The following PIKFYVE variants were observed in gnomAD, a reference collection of about 807,000 sequenced individuals.
PIKFYVE encodes the protein phosphoinositide kinase, FYVE-type zinc finger containing.
Under a neutral mutation model 257.9 loss-of-function variants are expected in PIKFYVE, and 122 were observed. That is an observed-to-expected ratio of 0.47 (90% CI 0.41 to 0.55). The LOEUF is 0.55. PIKFYVE is among the 20% of genes least tolerant of loss of function. PIKFYVE has a pLI of 0.00. For synonymous variants in PIKFYVE, 892 were observed against 868.9 expected, an observed-to-expected ratio of 1.03 and a Z score of -0.47; for missense variants, 2,160 against 2,536.6, an observed-to-expected ratio of 0.85 and a Z score of 3.19.
chr2:208,288,579 T>G lies in PIKFYVE; in HGVS notation c.822-150T>G. On this transcript the variant is annotated intron_variant, in intron 6 of 41. Coordinates refer to ENST00000264380, the MANE Select transcript of PIKFYVE (RefSeq NM_015040.4). The stretch of plus-strand genomic sequence containing the variant: ...CTGCAAAAACTATCATTCATACCAT[T>G]TACACCCTAATTAAAGGAAGAACAA... 2.5e-6 allele frequency: 3 copies of G among 1,213,592 alleles called. No homozygotes were observed. In the South Asian group the frequency reaches 4.6e-5, roughly 19 times the overall value. 75.2% of individuals were successfully genotyped at this position (1,213,592 alleles called of 1,614,324 possible).
chr2:208,329,646 G>A (rs1697292426), intron 21 of PIKFYVE, among the ~76,000 whole-genome samples, 196 bp from the exon 22 acceptor site: 1 of 152,192 alleles, frequency 6.6e-6, no homozygotes, highest in Non-Finnish European at 1.5e-5. Flanking sequence ...TGGATTGGGA[G>A]TGAAAAAGAT....
chr2:208,288,888 C>T (rs1171248693), intron 7 of PIKFYVE, 70 bp downstream of exon 7: 41 of 1,568,050 alleles, frequency 2.6e-5, no homozygotes, highest in African/African-American at 8.1e-5. Flanking sequence ...GAAGAACAAA[C>T]GGATAAAAAG....
rs888458774 is a variant in PIKFYVE, at chr2:208,355,395, G to A, written c.*90G>A. 7.9e-6 allele frequency: 8 copies of A among 1,015,832 alleles called. No homozygotes were observed. The highest frequency in any genetic ancestry group is 1.4e-5 in the South Asian group (1 of 72,416). The allele number at this position is 1,015,832 out of a possible 1,614,324, so 62.9% of individuals were successfully genotyped here. A position where few individuals can be genotyped will look rare whatever the true frequency, so the allele number is the denominator to read the frequency against. ...AAGCTACATGTTTTATTTCTTCATC[G>A]TGTTCACCACTGTATGCCAAGGCTT... On this transcript the variant is annotated 3_prime_UTR_variant, in exon 42 of 42. Transcript: ENST00000264380.
At chr2:208,289,259 T>C (rs1255936491) in intron 7 of PIKFYVE, among the ~76,000 whole-genome samples, 3 of 152,208 alleles carry the variant, frequency 2.0e-5, no homozygotes, top group Non-Finnish European at 2.9e-5. Flanking sequence ...TGGGAAGCTG[T>C]TGGAGAGTTT....
At chr2:208,303,222 A>G (rs1393435060) in intron 10 of PIKFYVE, among the ~76,000 whole-genome samples, 1 of 151,950 alleles carries the variant, frequency 6.6e-6, no homozygotes. Context: ...TTGATACAAT[A>G]TATAGGTTAT....
At chr2:208,337,093 T>C (rs1698210728) in intron 28 of PIKFYVE, among the ~76,000 whole-genome samples, 165 bp downstream of exon 28, 1 of 152,202 alleles carries the variant, frequency 6.6e-6, no homozygotes, top group Non-Finnish European at 1.5e-5. Flanking sequence ...CTGGATTACT[T>C]TTATGTTATA....
chr2:208,278,779 G>T (rs1422222008), intron 5 of PIKFYVE, among the ~76,000 whole-genome samples: 1 of 152,124 alleles, frequency 6.6e-6, no homozygotes, highest in African/African-American at 2.4e-5. Context: ...TGGTGTATAT[G>T]TACCACATTT....
chr2:208,351,309 A>G (rs762799407), intron 37 of PIKFYVE, 43 bp from the exon 38 acceptor site: 2 of 1,313,676 alleles, frequency 1.5e-6, no homozygotes, highest in Middle Eastern at 1.9e-4. Context: ...AGATTACAGT[A>G]TATATTGTGA....
In PIKFYVE at chr2:208,274,057, A is replaced by G. The variant is rs767821059; in HGVS notation, c.322+324A>G. ...CAACATCCCCAGGAGAACACAGGTTAGTTTCCACTTTGTGAATGAATTCTG... is the reference window on the plus strand; with the variant it reads ...CAACATCCCCAGGAGAACACAGGTTGGTTTCCACTTTGTGAATGAATTCTG... On this transcript the variant is annotated intron_variant, in intron 3 of 41. Transcript: ENST00000264380. The G allele has an allele frequency of 3.1e-6, 5 of 1,611,710 alleles. No homozygotes were observed. The East Asian group carries it at 8.9e-5, about 29-fold the overall frequency.
rs578116115 is a variant in PIKFYVE, at chr2:208,332,133, A to T, written c.3964-1182A>T. Among the ~76,000 whole-genome samples the T allele has an allele frequency of 6.8e-4, 104 of 152,324 alleles. 1 individual carries two copies. The highest frequency in any genetic ancestry group is 3.4e-3 in the Middle Eastern group (1 of 294). The stretch of plus-strand genomic sequence containing the variant: ...TAAATATATATAATATCAAATTTCT[A>T]TGAGCCATGATAATAGAAAAATGGG... On this transcript the variant is annotated intron_variant, in intron 23 of 41. Coordinates refer to ENST00000264380, the MANE Select transcript of PIKFYVE (RefSeq NM_015040.4).
chr2:208,346,160 A>G lies in PIKFYVE; in HGVS notation c.5209+13A>G, dbSNP rs1360147694. 4 of 1,562,644 alleles carry G rather than the reference A, an allele frequency of 2.6e-6. No individual in the cohort carries two copies. Among genetic ancestry groups the G allele is most frequent in the African/African-American group, 1.4e-5 (1 of 73,736 alleles). Reference sequence around the variant, plus strand: ...GAACCACAACCAAGTAAGATTACACATGGAGGAATATTTATAATTAGATTT... The same window carrying G: ...GAACCACAACCAAGTAAGATTACACGTGGAGGAATATTTATAATTAGATTT... On this transcript the variant is annotated intron_variant, in intron 34 of 41. Transcript: ENST00000264380.
chr2:208,305,570 A>G, intron 12 of PIKFYVE: 1 of 684,660 alleles, frequency 1.5e-6, no homozygotes, highest in Non-Finnish European at 1.8e-6. Context: ...ATTTTTAGCT[A>G]TCTTATTTGA....
intron 30 of PIKFYVE, 76 bp downstream of exon 30, chr2:208,339,631 C>T: frequency 1.9e-6 from 3 of 1,544,288 alleles, no homozygotes; most frequent in Non-Finnish European, 1.8e-6. Context: ...ACATGAATTA[C>T]AGCCATTTCT....
intron 5 of PIKFYVE, among the ~76,000 whole-genome samples, chr2:208,281,134 C>T (rs1261020764): frequency 6.6e-6 from 1 of 152,214 alleles, no homozygotes. Flanking sequence ...TTATGTCCTT[C>T]TTGGGTGAGT....
chr2:208,287,220 G>A (rs1691686910), intron 6 of PIKFYVE, among the ~76,000 whole-genome samples: 1 of 151,888 alleles, frequency 6.6e-6, no homozygotes, highest in African/African-American at 2.4e-5. Flanking sequence ...GAAGGGATTA[G>A]GACTGGGTAG....
At chr2:208,307,706 T>A (rs532836901) in intron 12 of PIKFYVE, among the ~76,000 whole-genome samples, 1 of 152,314 alleles carries the variant, frequency 6.6e-6, no homozygotes, top group Non-Finnish European at 1.5e-5. Context: ...CAGCATTGGT[T>A]AAGCAAACTA....
chr2:208,342,875 A>C (rs1333221553), intron 32 of PIKFYVE, among the ~76,000 whole-genome samples: 1 of 149,196 alleles, frequency 6.7e-6, no homozygotes, highest in African/African-American at 2.5e-5. Flanking sequence ...GCTCACTGCA[A>C]CCTCTGCCTC....
chr2:208,277,513 C>CT, intron 4 of PIKFYVE, 24 bp from the exon 5 acceptor site: 1 of 1,611,818 alleles, frequency 6.2e-7, no homozygotes. Flanking sequence ...TTCAAGAAGC[C>CT]TTCACACATT....
Position 208,278,888 on chromosome 2 carries a change from A to G in PIKFYVE, c.613+1180A>G, listed in dbSNP as rs148613568. Among the ~76,000 whole-genome samples, 316 of 152,316 alleles carry G rather than the reference A, an allele frequency of 2.1e-3. 2 individuals carry two copies. Among genetic ancestry groups the G allele is most frequent in the African/African-American group, 7.2e-3 (300 of 41,566 alleles). Reference sequence around the variant, plus strand: ...CATACGAGTACATGTGCCTTTTGATAGAATGATTTATTTTCCTTTGGATAT... The same window carrying G: ...CATACGAGTACATGTGCCTTTTGATGGAATGATTTATTTTCCTTTGGATAT... On this transcript the variant is annotated intron_variant, in intron 5 of 41. Coordinates refer to ENST00000264380, the MANE Select transcript of PIKFYVE (RefSeq NM_015040.4).
Sources: allele counts gnomAD v4.1 joint callset (sites outside exome capture counted in the v4.1 genomes callset), GRCh38; gene constraint gnomAD v4.1.1; transcripts MANE v1.5; gene names NCBI Gene and HGNC (gene_info 2026-07-23, HGNC 2026-07-21).